The following PTCD3 variants were observed in gnomAD, a reference collection of about 807,000 sequenced individuals.
The protein encoded by PTCD3 is small ribosomal subunit protein mS39.
PTCD3 carries 89 observed loss-of-function variants against 101.9 expected under a neutral mutation model. The ratio of observed to expected loss-of-function variants is 0.87; its 90% CI spans 0.74 to 1.04. The LOEUF is 1.04. Among genes scored for constraint, PTCD3 ranks in the 50% least tolerant of loss-of-function variants. The pLI, the probability that PTCD3 is intolerant of heterozygous loss-of-function variation, is 0.00. For synonymous variants in PTCD3, 296 were observed against 278.5 expected (o/e 1.06, Z -0.63); for missense variants, 870 against 828.2 (o/e 1.05, Z -0.62).
chr2:86,128,245 A>ACC (rs968622196), intron 14 of PTCD3, among the ~76,000 whole-genome samples: 24 of 148,420 alleles, frequency 1.6e-4, no homozygotes, highest in African/African-American at 5.4e-4. Flanking sequence ...ACAGATGCCC[A>ACC]CCAGCATGCC....
rs542992092 is a variant in PTCD3 at position 86,137,750 on chromosome 2, A to G, written c.*191A>G. The G allele has an allele frequency of 7.2e-6, 5 of 693,446 alleles. No homozygotes were observed. The highest frequency in any genetic ancestry group is 2.8e-5 in the Admixed American group (1 of 35,850). The allele number at this position is 693,446 out of a possible 1,614,324, so 43.0% of individuals were successfully genotyped here. A position where few individuals can be genotyped will look rare whatever the true frequency, so the allele number is the denominator to read the frequency against. ...TAAGCTGCTAATATGCTACTTAACC[A>G]TCTATTAATGCACCATTAAAGGCTT... On this transcript the variant is annotated 3_prime_UTR_variant, in exon 24 of 24. Transcript: ENST00000254630.
At chr2:86,107,094 G>A (rs909286346) in intron 1 of PTCD3, 24 of 470,370 alleles carry the variant, frequency 5.1e-5, no homozygotes, top group East Asian at 7.0e-5. Context: ...TTTACAATAT[G>A]TTTTTATATG....
At chr2:86,116,740 C>G in intron 5 of PTCD3, 142 bp downstream of exon 5, 2 of 691,040 alleles carry the variant, frequency 2.9e-6, no homozygotes, top group Non-Finnish European at 4.9e-6. Context: ...TTACTACTTT[C>G]TTCAAAAAGA....
chr2:86,135,081 C>T (rs7606421), intron 21 of PTCD3, 94 bp downstream of exon 21: 1,137,155 of 1,396,630 alleles, frequency 0.81, 469,395 homozygotes, highest in Non-Finnish European at 0.84. Context: ...CATTTGGCCA[C>T]ATAACACGTA....
At chr2:86,115,416 C>T (rs986028833) in intron 4 of PTCD3, among the ~76,000 whole-genome samples, 7 of 152,312 alleles carry the variant, frequency 4.6e-5, no homozygotes, top group Middle Eastern at 3.4e-3. Flanking sequence ...AAGAATTCAA[C>T]ATTGGCTTTC....
In PTCD3 at chr2:86,123,723, C is replaced by G; in HGVS notation, c.677C>G (p.Ser226Cys). 6.3e-7 allele frequency: 1 copy of G among 1,597,296 alleles called. No homozygotes were observed. The highest frequency in any genetic ancestry group is 1.1e-5 in the South Asian group (1 of 87,468). ...EALEEENDET[S>C]RRKAGHQFGV... ...CAGGAAGAGGAAAATGATGAGACAT[C>G]TAGGAGGAAAGCTGGTCATCAGTTT... The change falls in exon 9 of 24, where the codon TCT (serine) becomes TGT (cysteine). Residue 226 changes from serine (S) to cysteine (C), a missense_variant. Ser to Cys is a moderately radical substitution (Grantham distance 112). Transcript: ENST00000254630.
chr2:86,136,668 C>A, intron 22 of PTCD3, 106 bp downstream of exon 22: 2 of 1,317,842 alleles, frequency 1.5e-6, no homozygotes, highest in South Asian at 1.2e-5. Flanking sequence ...TTCTGTTAGG[C>A]AAGCATACCG....
intron 3 of PTCD3, among the ~76,000 whole-genome samples, chr2:86,110,052 A>G (rs148257736): frequency 5.6e-4 from 85 of 152,336 alleles, no homozygotes; most frequent in African/African-American, 1.9e-3. Flanking sequence ...TTTTTTTAAG[A>G]TAATGTATGA....
chr2:86,121,692 T>A, intron 8 of PTCD3, 98 bp downstream of exon 8: 1 of 712,150 alleles, frequency 1.4e-6, no homozygotes, highest in South Asian at 1.9e-5. Flanking sequence ...TGTGTCAGGG[T>A]AGTAGAGATT....
Position 86,123,719 on chromosome 2 carries a change from A to T in PTCD3, c.673A>T (p.Thr225Ser), listed in dbSNP as rs1397926041. The T allele has an allele frequency of 6.3e-7, 1 of 1,595,340 alleles. No homozygotes were observed. Among genetic ancestry groups the T allele is most frequent in the Non-Finnish European group, 8.5e-7 (1 of 1,173,468 alleles). ...SEALEEENDE[T>S]SRRKAGHQFG... ...ATTTCAGGAAGAGGAAAATGATGAG[A>T]CATCTAGGAGGAAAGCTGGTCATCA... Residue 225 changes from threonine (T) to serine (S), a missense_variant, in exon 9 of 24, where the codon ACA becomes TCA. Coordinates refer to ENST00000254630, the MANE Select transcript of PTCD3 (RefSeq NM_017952.6).
At chr2:86,126,607 G>A (rs1276792865) in intron 12 of PTCD3, among the ~76,000 whole-genome samples, 2 of 152,004 alleles carry the variant, frequency 1.3e-5, no homozygotes. Context: ...GGCTGAGGCG[G>A]GTGGATTACC....
At position 86,108,537 on chromosome 2, in the gene PTCD3, G is replaced by T. The variant is rs145588565; in HGVS notation, c.194+1G>T. The T allele has an allele frequency of 6.3e-6, 10 of 1,594,040 alleles. No individual in the cohort carries two copies. Among genetic ancestry groups the T allele is most frequent in the Admixed American group, 1.8e-5 (1 of 55,716 alleles). On this transcript the variant is annotated splice_donor_variant, in intron 3 of 23. Coordinates refer to ENST00000254630, the MANE Select transcript of PTCD3 (RefSeq NM_017952.6). LOFTEE classifies it high-confidence loss of function. The stretch of plus-strand genomic sequence containing the variant: ...TAGTAATTCCAAAAAAGAAAACTTG[G>T]TAAGTATTCTATCAGTGTTCATTCA...
At chr2:86,108,126 T>TAA (rs368815233) in intron 1 of PTCD3, among the ~76,000 whole-genome samples, 22 of 119,016 alleles carry the variant, frequency 1.8e-4, no homozygotes, top group South Asian at 2.7e-4. Context: ...ACCCTGTCTC[T>TAA]AAAAAAAAAA....
chr2:86,122,036 G>A (rs999548674), intron 8 of PTCD3, among the ~76,000 whole-genome samples: 7 of 152,128 alleles, frequency 4.6e-5, no homozygotes, highest in African/African-American at 1.4e-4. Flanking sequence ...CTCTCGACTC[G>A]CGAATTTTAC....
At chr2:86,130,542 A>C in intron 14 of PTCD3, 106 bp from the exon 15 acceptor site, 1 of 1,495,686 alleles carries the variant, frequency 6.7e-7, no homozygotes, top group Admixed American at 2.1e-5. Flanking sequence ...GCGAGGACTT[A>C]GGCTGGAGGT....
rs540768076 is a variant in PTCD3, at chr2:86,134,452, C to T, written c.1629+75C>T. The T allele has an allele frequency of 5.0e-5, 63 of 1,265,340 alleles. No homozygotes were observed. In the African/African-American group the frequency reaches 7.4e-4, roughly 15 times the overall value. The allele number at this position is 1,265,340 out of a possible 1,614,324, so 78.4% of individuals were successfully genotyped here. On this transcript the variant is annotated intron_variant, in intron 20 of 23. Transcript: ENST00000254630. ...TTAAGGCTAGCTTCCCTGGTTTTAT[C>T]TGCCATTTTGGAGAGTTCTGCTACC...
At chr2:86,134,510 C>G in intron 20 of PTCD3, 133 bp downstream of exon 20, 1 of 727,850 alleles carries the variant, frequency 1.4e-6, no homozygotes, top group Middle Eastern at 2.4e-4. Context: ...TACATCTAAA[C>G]ATATCTTGCC....
intron 3 of PTCD3, among the ~76,000 whole-genome samples, chr2:86,109,590 C>A (rs930309055): frequency 2.0e-5 from 3 of 152,064 alleles, no homozygotes; most frequent in Non-Finnish European, 4.4e-5. Flanking sequence ...TGAAGAAATA[C>A]GTTTGTTTAT....
rs1045786425 is a variant in PTCD3 at position 86,139,922 on chromosome 2, A to C, written c.*2363A>C. 2 of 152,194 alleles carry C rather than the reference A, an allele frequency of 1.3e-5. No homozygotes were observed. The highest frequency in any genetic ancestry group is 3.9e-4 in the East Asian group (2 of 5,194). 9.4% of individuals were successfully genotyped at this position (152,194 alleles called of 1,614,324 possible). ...CAGAGTTACATTACCAATGTGTAGAAGTCAGAAACTAGACTTCTAGTTTGG... is the reference window on the plus strand; with the variant it reads ...CAGAGTTACATTACCAATGTGTAGACGTCAGAAACTAGACTTCTAGTTTGG... On this transcript the variant is annotated 3_prime_UTR_variant, in exon 24 of 24. Transcript: ENST00000254630.
Sources: gnomAD v4.1 joint callset for allele counts (sites outside exome capture counted in the v4.1 genomes callset) on GRCh38, gnomAD v4.1.1 for gene constraint, MANE v1.5 for transcripts, NCBI Gene and HGNC (gene_info 2026-07-23, HGNC 2026-07-21) for gene names.